Variants in MLLT3 observed in about 807,000 individuals in gnomAD.
The protein encoded by MLLT3 is protein AF-9.
Under a neutral mutation model 53.2 loss-of-function variants are expected in MLLT3, and 4 were observed. That is an observed-to-expected ratio of 0.08 (90% CI 0.04 to 0.17). MLLT3 has a LOEUF of 0.17. Among genes scored for constraint, MLLT3 ranks in the 10% least tolerant of loss-of-function variants. The pLI, the probability that MLLT3 is intolerant of heterozygous loss-of-function variation, is 1.00. For missense variants in MLLT3, 569 were observed against 684.0 expected, an observed-to-expected ratio of 0.83 and a Z score of 1.87; for synonymous variants, 283 against 230.6, an observed-to-expected ratio of 1.23 and a Z score of -2.06.
chr9:20,428,534 C>A (rs1039996543), intron 4 of MLLT3, among the ~76,000 whole-genome samples: 2 of 152,006 alleles, frequency 1.3e-5, no homozygotes, highest in African/African-American at 4.8e-5. Context: ...GAAAATGCTA[C>A]ATTAATTTTG....
At chr9:20,476,056 GTTTT>G (rs200799299) in intron 2 of MLLT3, among the ~76,000 whole-genome samples, 3 of 151,466 alleles carry the variant, frequency 2.0e-5, no homozygotes, top group Non-Finnish European at 4.4e-5. Flanking sequence ...TTAATGCGCT[GTTTT>G]TTTTGTGTAT....
At chr9:20,474,174 C>T (rs1407512501) in intron 2 of MLLT3, among the ~76,000 whole-genome samples, 1 of 152,058 alleles carries the variant, frequency 6.6e-6, no homozygotes, top group Admixed American at 6.6e-5. Flanking sequence ...TTCTATAACA[C>T]TCTAATTATT....
At chr9:20,350,524 G>A (rs953951606) in intron 10 of MLLT3, among the ~76,000 whole-genome samples, 2 of 146,186 alleles carry the variant, frequency 1.4e-5, no homozygotes, top group Non-Finnish European at 3.0e-5. Flanking sequence ...GAACCCGGGA[G>A]GCGGAGCTTG....
chr9:20,499,346 T>G (rs914867880), intron 2 of MLLT3, among the ~76,000 whole-genome samples: 2 of 152,182 alleles, frequency 1.3e-5, no homozygotes, highest in African/African-American at 4.8e-5. Context: ...ATAACAGGCA[T>G]TTAGTGTTTA....
chr9:20,563,544 G>C (rs1023414921), intron 2 of MLLT3, among the ~76,000 whole-genome samples: 3 of 152,082 alleles, frequency 2.0e-5, no homozygotes, highest in African/African-American at 7.2e-5. Context: ...GGTCCACAGA[G>C]ACATCTGGAA....
chr9:20,620,448 T>C lies in MLLT3; in HGVS notation c.193+206A>G, dbSNP rs1820966644. Reference sequence around the variant, plus strand: ...ACTCGACACCTGACGGTCCTTTCTCTGCGGTGACTTTCACCAAGCCGAAGT... The same window carrying C: ...ACTCGACACCTGACGGTCCTTTCTCCGCGGTGACTTTCACCAAGCCGAAGT... On this transcript the variant is annotated intron_variant, in intron 2 of 10. Transcript: ENST00000380338. The surrounding 1 kb of genome is among the most constrained non-coding windows in gnomAD (Gnocchi z 6.1). 1.3e-5 allele frequency among the ~76,000 whole-genome samples: 2 copies of C among 150,884 alleles called. No homozygotes were observed. The highest frequency in any genetic ancestry group is 4.2e-4 in the South Asian group (2 of 4,714).
intron 2 of MLLT3, among the ~76,000 whole-genome samples, chr9:20,617,899 C>T (rs1466630559): frequency 6.6e-6 from 1 of 152,118 alleles, no homozygotes; most frequent in Admixed American, 6.5e-5. Flanking sequence ...GTTAAAAATA[C>T]TATAATTTTT....
intron 2 of MLLT3, among the ~76,000 whole-genome samples, chr9:20,565,334 G>A (rs1356895319): frequency 6.6e-6 from 1 of 151,970 alleles, no homozygotes; most frequent in Non-Finnish European, 1.5e-5. Context: ...GGAGGGATGA[G>A]GAAAACACAG....
chr9:20,403,016 G>A, intron 5 of MLLT3, among the ~76,000 whole-genome samples: 1 of 152,074 alleles, frequency 6.6e-6, no homozygotes, highest in East Asian at 1.9e-4. Context: ...TCTAGAGGAG[G>A]AGAGTTTGGG....
chr9:20,439,967 AT>A (rs1467795670), intron 4 of MLLT3, among the ~76,000 whole-genome samples: 4 of 152,176 alleles, frequency 2.6e-5, no homozygotes, highest in African/African-American at 4.8e-5. Flanking sequence ...GTAGAACATT[AT>A]TATTATGTCA....
At chr9:20,354,209 G>C (rs894232211) in intron 9 of MLLT3, among the ~76,000 whole-genome samples, 1 of 152,242 alleles carries the variant, frequency 6.6e-6, no homozygotes, top group Non-Finnish European at 1.5e-5. Flanking sequence ...CATCTGATTT[G>C]TGAAGAGCTC....
intron 2 of MLLT3, among the ~76,000 whole-genome samples, chr9:20,503,266 G>A (rs938424262): frequency 4.6e-5 from 7 of 152,132 alleles, no homozygotes; most frequent in African/African-American, 1.7e-4. Context: ...AACAAAGCTA[G>A]AGGCATCACA....
intron 2 of MLLT3, among the ~76,000 whole-genome samples, chr9:20,502,647 G>A (rs1389726002): frequency 6.6e-6 from 1 of 152,166 alleles, no homozygotes; most frequent in African/African-American, 2.4e-5. Flanking sequence ...TAGAGATAAT[G>A]TGTAGTATAC....
At chr9:20,523,262 T>C (rs1019045063) in intron 2 of MLLT3, among the ~76,000 whole-genome samples, 13 of 152,228 alleles carry the variant, frequency 8.5e-5, no homozygotes, top group African/African-American at 2.9e-4. Context: ...CTCTCATTCA[T>C]TGCTGGTAGA....
intron 2 of MLLT3, among the ~76,000 whole-genome samples, chr9:20,491,910 G>A (rs554968578): frequency 1.3e-5 from 2 of 152,030 alleles, no homozygotes; most frequent in Non-Finnish European, 2.9e-5. Flanking sequence ...TATGGAATAT[G>A]GAGTTTCTTC....
At chr9:20,367,096 A>T (rs2118656687) in intron 5 of MLLT3, among the ~76,000 whole-genome samples, 1 of 152,286 alleles carries the variant, frequency 6.6e-6, no homozygotes, top group East Asian at 1.9e-4. Context: ...AAATGTCGCC[A>T]TTGTTTTTTT....
rs530151748 is a variant in MLLT3 at position 20,563,402 on chromosome 9, T to A, written c.193+57252A>T. Among the ~76,000 whole-genome samples, 6 of 152,070 alleles carry A rather than the reference T, an allele frequency of 3.9e-5. No individual in the cohort carries two copies. The East Asian group carries it at 1.2e-3, about 29-fold the overall frequency. Reference sequence around the variant, plus strand: ...CAGGTCCCTGCTGGGTAGGGAGGGGTGTCATATATTTGACAAATAATAATT... The same window carrying A: ...CAGGTCCCTGCTGGGTAGGGAGGGGAGTCATATATTTGACAAATAATAATT... On this transcript the variant is annotated intron_variant, in intron 2 of 10. Transcript: ENST00000380338.
chr9:20,373,140 A>T (rs1237278700), intron 5 of MLLT3, among the ~76,000 whole-genome samples: 1 of 152,158 alleles, frequency 6.6e-6, no homozygotes, highest in African/African-American at 2.4e-5. Context: ...CTCATACAGA[A>T]GTGATTACCT....
intron 5 of MLLT3, among the ~76,000 whole-genome samples, chr9:20,373,460 C>T (rs747147376): frequency 3.3e-5 from 5 of 152,186 alleles, no homozygotes; most frequent in African/African-American, 4.8e-5. Context: ...AGGTAGATCA[C>T]AGGGGAGGCC....
Sources: gnomAD v4.1 joint callset for allele counts (sites outside exome capture counted in the v4.1 genomes callset) on GRCh38, gnomAD v4.1.1 for gene constraint, Gnocchi (gnomAD v3.1) non-coding constraint, MANE v1.5 for transcripts, NCBI Gene and HGNC (gene_info 2026-07-23, HGNC 2026-07-21) for gene names.